Variants in PINK1 observed in about 807,000 individuals in gnomAD.
PINK1 encodes the protein serine/threonine-protein kinase PINK1, mitochondrial.
A neutral mutation model predicts 56.0 loss-of-function variants in PINK1; 58 were observed. The ratio of observed to expected loss-of-function variants is 1.04; its 90% CI spans 0.84 to 1.29. The LOEUF is 1.29. Among genes scored for constraint, PINK1 ranks in the 50% most tolerant of loss-of-function variants. The pLI is 0.00. For missense variants in PINK1, 745 were observed against 777.9 expected, an observed-to-expected ratio of 0.96 and a Z score of 0.50; for synonymous variants, 354 against 339.3, an observed-to-expected ratio of 1.04 and a Z score of -0.48.
chr1:20,650,848 A>C lies in PINK1; in HGVS notation c.*157A>C. ...CGGGCTTGGCAAATGGAAGAACTTG[A>C]GTGAGAGTTCAGTCTGCAGTCCTCT... On this transcript the variant is annotated 3_prime_UTR_variant, in exon 8 of 8. Transcript: ENST00000321556. 1.0e-6 allele frequency: 1 copy of C among 960,748 alleles called. No homozygotes were observed. Among genetic ancestry groups the C allele is most frequent in the East Asian group, 2.6e-5 (1 of 38,252 alleles). 59.5% of individuals were successfully genotyped at this position (960,748 alleles called of 1,614,324 possible).
chr1:20,638,522 C>T (rs2053080736), intron 2 of PINK1: 2 of 265,552 alleles, frequency 7.5e-6, no homozygotes, highest in South Asian at 8.1e-5. Flanking sequence ...GTAGTCTTAG[C>T]TACTTGGGTG....
Position 20,638,016 on chromosome 1 carries a change from AC to A in PINK1, c.564del (p.Leu190CysfsTer31). On this transcript the variant is annotated frameshift_variant, in exon 2 of 8. Transcript: ENST00000321556. LOFTEE classifies it high-confidence loss of function. ...CCAGAACCTGGAGGTGACAAAGAGCACCGGGTTGCTTCCAGGGAGAGGCCCA... is the reference window on the plus strand; with the variant it reads ...CCAGAACCTGGAGGTGACAAAGAGCACGGGTTGCTTCCAGGGAGAGGCCCA... ...LPQNLEVTKS[T>X]GLLPGRGPGT... is the part of the protein sequence containing the mutation. 6.2e-7 allele frequency: 1 copy of A among 1,614,188 alleles called. No homozygotes were observed. Among genetic ancestry groups the A allele is most frequent in the South Asian group, 1.1e-5 (1 of 91,086 alleles).
chr1:20,634,652 CA>C (rs1254821137), intron 1 of PINK1, among the ~76,000 whole-genome samples: 6 of 152,182 alleles, frequency 3.9e-5, no homozygotes, highest in Non-Finnish European at 8.8e-5. Flanking sequence ...TGGGGATTGG[CA>C]AAGTCTTAAA....
At chr1:20,643,863 T>C (rs2053143356) in intron 3 of PINK1, among the ~76,000 whole-genome samples, 1 of 152,180 alleles carries the variant, frequency 6.6e-6, no homozygotes, top group South Asian at 2.1e-4. Flanking sequence ...CCCCAGTGGA[T>C]GCCTGAAGCC....
rs1214490830 is a variant in PINK1, at chr1:20,648,575, G to A, written c.1194G>A (p.Leu398=). The A allele has an allele frequency of 6.2e-6, 10 of 1,614,146 alleles. No homozygotes were observed. Among genetic ancestry groups the A allele is most frequent in the Middle Eastern group, 3.3e-4 (2 of 6,062 alleles). The change falls in exon 6 of 8, where the codon TTG becomes TTA. Residue 398 remains leucine, a synonymous_variant. Transcript: ENST00000321556. ...CTGATGAGAGCATCGGCCTGCAGTT[G>A]CCCTTCAGCAGCTGGTACGTGGATC... ...CLADESIGLQ[L]PFSSWYVDRG...
Position 20,649,123 on chromosome 1 carries a change from C to T in PINK1, c.1380C>T (p.His460=), listed in dbSNP as rs369755617. ...VNPFYGQGKA[H]LESRSYQEAQ... ...CCTTCTACGGCCAGGGCAAGGCCCACCTTGAAAGCCGCAGCTACCAAGAGG... is the reference window on the plus strand; with the variant it reads ...CCTTCTACGGCCAGGGCAAGGCCCATCTTGAAAGCCGCAGCTACCAAGAGG... Residue 460 remains histidine (H), a synonymous_variant, in exon 7 of 8, where the codon CAC becomes CAT. Transcript: ENST00000321556. The T allele has an allele frequency of 8.1e-6, 13 of 1,614,138 alleles. No homozygotes were observed. In the African/African-American group the frequency reaches 1.5e-4, roughly 18 times the overall value.
rs1386408750 is a variant in PINK1 at position 20,633,743 on chromosome 1, C to T, written c.195C>T (p.Asn65=). 6 of 1,541,030 alleles carry T rather than the reference C, an allele frequency of 3.9e-6. No individual in the cohort carries two copies. Among genetic ancestry groups the T allele is most frequent in the South Asian group, 3.6e-5 (3 of 84,392 alleles). Residue 65 remains asparagine, a synonymous_variant, in exon 1 of 8, where the codon AAC becomes AAT. Transcript: ENST00000321556. The part of the protein sequence containing the change: ...EPRRVGLGLP[N]RLRFFRQSVA... ...GCAGGGTCGGGCTCGGGCTCCCTAA[C>T]CGTCTCCGCTTCTTCCGCCAGTCGG... is the stretch of plus-strand genomic sequence containing the variant.
At chr1:20,635,141 CCTT>C (rs769190499) in intron 1 of PINK1, among the ~76,000 whole-genome samples, 2 of 152,196 alleles carry the variant, frequency 1.3e-5, no homozygotes, top group African/African-American at 4.8e-5. Context: ...TTCACACACA[CCTT>C]CTTCGCACAC....
At position 20,650,419 on chromosome 1, in the gene PINK1, C is replaced by T. The variant is rs1214318615; in HGVS notation, c.1489-15C>T. 2.5e-6 allele frequency: 4 copies of T among 1,613,566 alleles called. No individual in the cohort carries two copies. The highest frequency in any genetic ancestry group is 3.4e-6 in the Non-Finnish European group (4 of 1,179,852). On this transcript the variant is annotated splice_polypyrimidine_tract_variant and intron_variant, in intron 7 of 7. Transcript: ENST00000321556. ...TTAACAGATGTTCTAGCTACAGCTTCCCTTCCTGTTGCAGAGACCATCTGC... is the reference window on the plus strand; with the variant it reads ...TTAACAGATGTTCTAGCTACAGCTTTCCTTCCTGTTGCAGAGACCATCTGC...
In PINK1 at chr1:20,650,518, G is replaced by A. The variant is rs531477772; in HGVS notation, c.1573G>A (p.Asp525Asn). The A allele has an allele frequency of 7.6e-5, 122 of 1,614,238 alleles. No homozygotes were observed. The highest frequency in any genetic ancestry group is 6.6e-4 in the Middle Eastern group (4 of 6,062). ...HILALKNLKL[D>N]KMVGWLLQQS... ...TCTAGCCCTGAAGAATCTGAAGTTA[G>A]ACAAGATGGTTGGCTGGCTCCTCCA... The change falls in exon 8 of 8, where the codon GAC becomes AAC. Residue 525 changes from aspartate to asparagine, a missense_variant. By Grantham distance (23) the Asp-to-Asn change is conservative. Coordinates refer to ENST00000321556, the MANE Select transcript of PINK1 (RefSeq NM_032409.3).
chr1:20,640,256 A>G (rs989487991), intron 3 of PINK1, among the ~76,000 whole-genome samples: 1 of 152,200 alleles, frequency 6.6e-6, no homozygotes, highest in African/African-American at 2.4e-5. Context: ...ACAGTGTTGC[A>G]TGATTGACTG....
At position 20,633,684 on chromosome 1, in the gene PINK1, C is replaced by G; in HGVS notation, c.136C>G (p.Pro46Ala). ...PAAGCVRGER[P>A]GWAAGPGAEP... ...GGCGGGCTGTGTCCGCGGGGAGCGTCCAGGCTGGGCCGCAGGACCGGGCGC... is the reference window on the plus strand; with the variant it reads ...GGCGGGCTGTGTCCGCGGGGAGCGTGCAGGCTGGGCCGCAGGACCGGGCGC... Residue 46 changes from proline to alanine, a missense_variant, in exon 1 of 8, where the codon CCA becomes GCA. By Grantham distance (27) the Pro-to-Ala change is conservative. Coordinates refer to ENST00000321556, the MANE Select transcript of PINK1 (RefSeq NM_032409.3). 6.8e-7 allele frequency: 1 copy of G among 1,467,716 alleles called. No homozygotes were observed. The highest frequency in any genetic ancestry group is 8.9e-7 in the Non-Finnish European group (1 of 1,117,326). The allele number at this position is 1,467,716 out of a possible 1,614,324, so 90.9% of individuals were successfully genotyped here. A position where few individuals can be genotyped will look rare whatever the true frequency, so the allele number is the denominator to read the frequency against.
chr1:20,633,982 CG>C (rs1413177271), intron 1 of PINK1, 47 bp downstream of exon 1: 1 of 435,222 alleles, frequency 2.3e-6, no homozygotes, highest in Non-Finnish European at 3.3e-6. Flanking sequence ...GAGCTAAGCG[CG>C]GGGGCGGGTC....
chr1:20,648,444 G>C, intron 5 of PINK1, 61 bp from the exon 6 acceptor site: 1 of 1,608,796 alleles, frequency 6.2e-7, no homozygotes, highest in South Asian at 1.1e-5. Context: ...TAGGGACATA[G>C]GAGGGCCTCT....
intron 2 of PINK1, chr1:20,639,609 A>G: frequency 4.2e-6 from 2 of 479,668 alleles, no homozygotes; most frequent in Admixed American, 6.6e-5. Context: ...AGGAAGCAGC[A>G]CCCCATATCC....
Sources: gnomAD v4.1 joint callset for allele counts (sites outside exome capture counted in the v4.1 genomes callset) on GRCh38, gnomAD v4.1.1 for gene constraint, MANE v1.5 for transcripts, NCBI Gene and HGNC (gene_info 2026-07-23, HGNC 2026-07-21) for gene names.